Variants in ULK2 observed in about 807,000 individuals in gnomAD.
The protein encoded by ULK2 is serine/threonine-protein kinase ULK2.
ULK2 carries 76 observed loss-of-function variants against 127.5 expected under a neutral mutation model. The observed-to-expected ratio is 0.60, with a 90% CI of 0.50 to 0.72. The LOEUF is 0.72. Among genes scored for constraint, ULK2 ranks in the 30% least tolerant of loss-of-function variants. The pLI, the probability that ULK2 is intolerant of heterozygous loss-of-function variation, is 0.00. For missense variants in ULK2, 1,144 were observed against 1,295.9 expected, an observed-to-expected ratio of 0.88 and a Z score of 1.80; for synonymous variants, 452 against 461.9, an observed-to-expected ratio of 0.98 and a Z score of 0.28.
chr17:19,812,533 C>T (rs1231615357), intron 13 of ULK2, among the ~76,000 whole-genome samples: 1 of 152,200 alleles, frequency 6.6e-6, no homozygotes, highest in Non-Finnish European at 1.5e-5. Flanking sequence ...ATTGGGCACA[C>T]AAAGCCTATT....
chr17:19,795,781 A>G, intron 19 of ULK2, 56 bp from the exon 20 acceptor site: 5 of 1,492,996 alleles, frequency 3.3e-6, no homozygotes, highest in Non-Finnish European at 4.7e-6. Context: ...TAAAACTAGA[A>G]GGGTTAATAG....
chr17:19,856,703 T>C (rs1208936838), intron 3 of ULK2, among the ~76,000 whole-genome samples: 43 of 151,842 alleles, frequency 2.8e-4, no homozygotes, highest in Non-Finnish European at 5.9e-5. Context: ...CCGGGTGCAG[T>C]GGCTCACGCC....
chr17:19,789,302 T>C (rs1253326826), intron 20 of ULK2, among the ~76,000 whole-genome samples: 1 of 151,168 alleles, frequency 6.6e-6, no homozygotes, highest in Non-Finnish European at 1.5e-5. Context: ...AACAAAAGTC[T>C]CTAGCTGGTA....
intron 10 of ULK2, among the ~76,000 whole-genome samples, chr17:19,833,386 G>C (rs1302270612): frequency 1.3e-5 from 2 of 149,440 alleles, no homozygotes; most frequent in East Asian, 2.0e-4. Flanking sequence ...TTTTGAGACA[G>C]AGTCTCGCTC....
intron 10 of ULK2, among the ~76,000 whole-genome samples, chr17:19,829,549 G>GGGGC (rs2041380712): frequency 5.6e-4 from 7 of 12,496 alleles, no homozygotes; most frequent in East Asian, 5.2e-3. Context: ...AAAAAAAAAA[G>GGGGC]GGGGGGGGCT....
chr17:19,778,812 G>A (rs181045892), intron 25 of ULK2, among the ~76,000 whole-genome samples: 1 of 152,116 alleles, frequency 6.6e-6, no homozygotes, highest in East Asian at 1.9e-4. Context: ...CAAATAAAAT[G>A]GATACAGAAG....
At chr17:19,864,920 T>TA (rs905672432) in intron 2 of ULK2, 76 bp from the exon 3 acceptor site, 2 of 635,470 alleles carry the variant, frequency 3.1e-6, no homozygotes, top group Admixed American at 3.8e-5. Flanking sequence ...TAAATAAAAT[T>TA]AAAGTATACA....
At chr17:19,835,925 C>G (rs2152395529) in intron 10 of ULK2, among the ~76,000 whole-genome samples, 1 of 151,684 alleles carries the variant, frequency 6.6e-6, no homozygotes, top group South Asian at 2.1e-4. Flanking sequence ...AATTCGAGAA[C>G]AGCCCTGGCA....
At chr17:19,816,679 T>C (rs1013066893) in intron 13 of ULK2, 70 bp downstream of exon 13, 7 of 1,390,758 alleles carry the variant, frequency 5.0e-6, no homozygotes, top group Non-Finnish European at 5.7e-6. Context: ...GTGTAATATA[T>C]GGGTTAAAAA....
At chr17:19,814,948 G>A (rs1394197988) in intron 13 of ULK2, among the ~76,000 whole-genome samples, 2 of 152,094 alleles carry the variant, frequency 1.3e-5, no homozygotes, top group Admixed American at 1.3e-4. Flanking sequence ...TCAGGTATTG[G>A]AATGAATTTT....
At chr17:19,849,699 A>G (rs79715605) in intron 4 of ULK2, 43 bp downstream of exon 4, 1 of 1,338,576 alleles carries the variant, frequency 7.5e-7, no homozygotes, top group Non-Finnish European at 1.0e-6. Context: ...AAAAAAAAAA[A>G]GAAATTTGAA....
At chr17:19,787,173 G>A (rs900182261) in intron 20 of ULK2, among the ~76,000 whole-genome samples, 4 of 152,080 alleles carry the variant, frequency 2.6e-5, no homozygotes, top group Non-Finnish European at 4.4e-5. Context: ...ATTTTTAGTA[G>A]AGACAGGGTT....
chr17:19,774,500 G>A lies in ULK2; in HGVS notation c.*1849C>T, dbSNP rs2086782090. The A allele has an allele frequency of 6.6e-6, 1 of 152,162 alleles. No homozygotes were observed. The highest frequency in any genetic ancestry group is 1.5e-5 in the Non-Finnish European group (1 of 68,034). 9.4% of individuals were successfully genotyped at this position (152,162 alleles called of 1,614,324 possible). A position where few individuals can be genotyped will look rare whatever the true frequency, so the allele number is the denominator to read the frequency against. On this transcript the variant is annotated 3_prime_UTR_variant, in exon 27 of 27. Transcript: ENST00000395544. ...TAAACCTACAACTGAGATAACACAG[G>A]TGATAACTGAAAGAACATGAATGAA...
In ULK2 at chr17:19,826,310, C is replaced by A. The variant is rs187351906; in HGVS notation, c.788-124G>T. 3.0e-3 allele frequency: 1,350 copies of A among 445,638 alleles called. 5 individuals are homozygous for A. Among genetic ancestry groups the A allele is most frequent in the South Asian group, 5.9e-3 (138 of 23,260 alleles). The allele number at this position is 445,638 out of a possible 1,614,324, so 27.6% of individuals were successfully genotyped here. A position where few individuals can be genotyped will look rare whatever the true frequency, so the allele number is the denominator to read the frequency against. Reference sequence around the variant, plus strand: ...TCAGAATTTAACTTCTTTATATAGGCTCCATTTCCTTTAAATGTAAAAGCG... The same window carrying A: ...TCAGAATTTAACTTCTTTATATAGGATCCATTTCCTTTAAATGTAAAAGCG... On this transcript the variant is annotated intron_variant, in intron 10 of 26. Transcript: ENST00000395544.
intron 14 of ULK2, among the ~76,000 whole-genome samples, chr17:19,808,926 A>G (rs1476432784): frequency 6.6e-6 from 1 of 152,232 alleles, no homozygotes; most frequent in Non-Finnish European, 1.5e-5. Context: ...TTCTTGGTAC[A>G]TATCCAAAGG....
At chr17:19,803,657 A>T (rs2087449456) in intron 15 of ULK2, among the ~76,000 whole-genome samples, 1 of 152,132 alleles carries the variant, frequency 6.6e-6, no homozygotes, top group South Asian at 2.1e-4. Flanking sequence ...GCACAGAGGG[A>T]ACTCCTTCAC....
intron 3 of ULK2, among the ~76,000 whole-genome samples, chr17:19,853,817 C>G (rs893522535): frequency 6.6e-6 from 1 of 151,872 alleles, no homozygotes; most frequent in Non-Finnish European, 1.5e-5. Flanking sequence ...GTGATCCCCC[C>G]GCCTCGGCCT....
At chr17:19,810,484 T>A in intron 13 of ULK2, 46 bp from the exon 14 acceptor site, 1 of 1,247,408 alleles carries the variant, frequency 8.0e-7, no homozygotes, top group Non-Finnish European at 1.1e-6. Flanking sequence ...ACCATCTGCT[T>A]AAAAAAACAC....
rs1387570810 is a variant in ULK2 at position 19,774,522 on chromosome 17, T to C, written c.*1827A>G. Reference sequence around the variant, plus strand: ...CAGGTGATAACTGAAAGAACATGAATGAAATTTCACTGTGAATAAAAAATA... The same window carrying C: ...CAGGTGATAACTGAAAGAACATGAACGAAATTTCACTGTGAATAAAAAATA... On this transcript the variant is annotated 3_prime_UTR_variant, in exon 27 of 27. Transcript: ENST00000395544. 1 of 152,194 alleles carries C rather than the reference T, an allele frequency of 6.6e-6. No individual in the cohort carries two copies. Among genetic ancestry groups the C allele is most frequent in the Non-Finnish European group, 1.5e-5 (1 of 68,040 alleles). 9.4% of individuals were successfully genotyped at this position (152,194 alleles called of 1,614,324 possible). A position where few individuals can be genotyped will look rare whatever the true frequency, so the allele number is the denominator to read the frequency against.
Sources: gnomAD v4.1 joint callset for allele counts (sites outside exome capture counted in the v4.1 genomes callset) on GRCh38, gnomAD v4.1.1 for gene constraint, MANE v1.5 for transcripts, NCBI Gene and HGNC (gene_info 2026-07-23, HGNC 2026-07-21) for gene names.